Variants in LUC7L2 observed in about 807,000 individuals in gnomAD.
LUC7L2 encodes LUC7 like 2, pre-mRNA splicing factor.
A neutral mutation model predicts 52.8 loss-of-function variants in LUC7L2; 25 were observed. That is an observed-to-expected ratio of 0.47 (90% CI 0.34 to 0.66). The LOEUF (loss-of-function observed/expected upper bound fraction) is 0.66. Ranked by LOEUF, LUC7L2 falls within the 30% of genes least tolerant of loss-of-function variation. LUC7L2 has a pLI of 0.01. For missense variants in LUC7L2, 328 were observed against 497.8 expected, an observed-to-expected ratio of 0.66 and a Z score of 3.25; for synonymous variants, 144 against 160.9, an observed-to-expected ratio of 0.89 and a Z score of 0.80.
chr7:139,417,074 T>C (rs1795654872), intron 8 of LUC7L2: 1 of 153,338 alleles, frequency 6.5e-6, no homozygotes, highest in Admixed American at 6.5e-5. Context: ...TTTCACTCTT[T>C]TGCCCAGGCT....
intron 1 of LUC7L2, among the ~76,000 whole-genome samples, chr7:139,364,609 G>GA (rs1463794423): frequency 1.3e-5 from 2 of 152,142 alleles, no homozygotes; most frequent in Non-Finnish European, 2.9e-5. Context: ...ATATAAAACT[G>GA]AAAGGATACT....
intron 1 of LUC7L2, among the ~76,000 whole-genome samples, chr7:139,354,511 GCCA>G (rs1180447182): frequency 1.3e-5 from 2 of 152,140 alleles, no homozygotes; most frequent in Non-Finnish European, 2.9e-5. Flanking sequence ...ACAGGCACGT[GCCA>G]CCACAACTGG....
intron 9 of LUC7L2, 92 bp from the exon 10 acceptor site, chr7:139,422,069 CTT>C: frequency 6.8e-7 from 1 of 1,471,742 alleles, no homozygotes; most frequent in Non-Finnish European, 9.0e-7. Flanking sequence ...GTCTATATAT[CTT>C]CAGCTATCAA....
chr7:139,387,491 T>TA (rs1296253713), intron 2 of LUC7L2, among the ~76,000 whole-genome samples: 1 of 152,210 alleles, frequency 6.6e-6, no homozygotes, highest in African/African-American at 2.4e-5. Context: ...AAAATTTTTA[T>TA]TTTATTTATT....
upstream of LUC7L2, chr7:139,359,520 A>C: frequency 8.2e-6 from 2 of 243,656 alleles, no homozygotes; most frequent in Non-Finnish European, 1.6e-5. Context: ...TCAGACGCCA[A>C]GGAGGCTGAC....
intron 4 of LUC7L2, among the ~76,000 whole-genome samples, chr7:139,404,792 C>A (rs976494886): frequency 6.6e-6 from 1 of 152,114 alleles, no homozygotes; most frequent in African/African-American, 2.4e-5. Context: ...AGGGTACATA[C>A]GAGGCTTATT....
chr7:139,384,041 CT>C (rs998199502), intron 2 of LUC7L2, among the ~76,000 whole-genome samples: 1 of 152,120 alleles, frequency 6.6e-6, no homozygotes, highest in Non-Finnish European at 1.5e-5. Context: ...TGTGAGCCAC[CT>C]TGCCTGGCCC....
chr7:139,380,598 T>A (rs1022122086), intron 2 of LUC7L2, among the ~76,000 whole-genome samples: 4 of 152,184 alleles, frequency 2.6e-5, no homozygotes, highest in African/African-American at 7.2e-5. Context: ...AGACACCGTT[T>A]AAAAAAATAA....
At chr7:139,356,615 TA>T (rs112295252), upstream of LUC7L2, among the ~76,000 whole-genome samples, 539 of 141,086 alleles carry the variant, frequency 3.8e-3, no homozygotes, top group Admixed American at 4.2e-3. Context: ...AAACCTGCGT[TA>T]AAAAAAAAAA....
chr7:139,362,529 G>T (rs1359511368), intron 1 of LUC7L2, among the ~76,000 whole-genome samples: 2 of 152,048 alleles, frequency 1.3e-5, no homozygotes, highest in Non-Finnish European at 1.5e-5. Context: ...AACGCTGTTG[G>T]GTGTCTTTGG....
At chr7:139,368,580 A>G (rs945346141) in intron 1 of LUC7L2, among the ~76,000 whole-genome samples, 2 of 152,224 alleles carry the variant, frequency 1.3e-5, no homozygotes, top group Non-Finnish European at 2.9e-5. Flanking sequence ...TCTACTAAAA[A>G]TATAAAAATT....
intron 3 of LUC7L2, among the ~76,000 whole-genome samples, chr7:139,400,166 T>C (rs764274234): frequency 3.3e-5 from 5 of 152,166 alleles, no homozygotes; most frequent in Non-Finnish European, 5.9e-5. Flanking sequence ...TTATATCTTC[T>C]GATTTATCAG....
At chr7:139,349,893 G>A (rs1430747928) in intron 1 of LUC7L2, among the ~76,000 whole-genome samples, 1 of 152,142 alleles carries the variant, frequency 6.6e-6, no homozygotes, top group Non-Finnish European at 1.5e-5. Context: ...GAATACACCT[G>A]TGTCATAAAT....
chr7:139,399,386 G>T (rs946028704), intron 3 of LUC7L2, among the ~76,000 whole-genome samples: 51 of 149,612 alleles, frequency 3.4e-4, no homozygotes, highest in Non-Finnish European at 2.2e-4. Context: ...TTTGGTATCC[G>T]CTGGGTCTCC....
chr7:139,422,559 G>A lies in LUC7L2; in HGVS notation c.*219G>A. 1 of 967,078 alleles carries A rather than the reference G, an allele frequency of 1.0e-6. No homozygotes were observed. Among genetic ancestry groups the A allele is most frequent in the East Asian group, 3.1e-5 (1 of 31,874 alleles). 59.9% of individuals were successfully genotyped at this position (967,078 alleles called of 1,614,324 possible). A position where few individuals can be genotyped will look rare whatever the true frequency, so the allele number is the denominator to read the frequency against. ...GTGAACCTGTAATACAGTTCTGAAA[G>A]TACAGTTTTATATAATAAGATGCTG... On this transcript the variant is annotated 3_prime_UTR_variant, in exon 10 of 10. Coordinates refer to ENST00000354926, the MANE Select transcript of LUC7L2 (RefSeq NM_016019.5).
chr7:139,404,986 C>A (rs1226962657), intron 4 of LUC7L2, among the ~76,000 whole-genome samples: 2 of 152,220 alleles, frequency 1.3e-5, no homozygotes, highest in African/African-American at 4.8e-5. Flanking sequence ...AGGCTATTTG[C>A]TGAGCACTAG....
intron 1 of LUC7L2, among the ~76,000 whole-genome samples, chr7:139,371,155 A>C (rs140129392): frequency 9.1e-4 from 138 of 152,204 alleles, no homozygotes; most frequent in Non-Finnish European, 1.7e-3. Flanking sequence ...TAGACATGGG[A>C]GTGTCTCCAT....
At chr7:139,420,962 C>T (rs185103381) in intron 9 of LUC7L2, among the ~76,000 whole-genome samples, 1 of 152,260 alleles carries the variant, frequency 6.6e-6, no homozygotes, top group East Asian at 1.9e-4. Context: ...CCACTCTCAG[C>T]TAATTTTTTG....
At chr7:139,403,597 G>T (rs550934156) in intron 4 of LUC7L2, among the ~76,000 whole-genome samples, 24 of 152,290 alleles carry the variant, frequency 1.6e-4, no homozygotes, top group African/African-American at 4.6e-4. Context: ...GGTTGGAAGA[G>T]ATCTGTAAGT....
Sources: allele counts gnomAD v4.1 joint callset (sites outside exome capture counted in the v4.1 genomes callset), GRCh38; gene constraint gnomAD v4.1.1; transcripts MANE v1.5; gene names NCBI Gene and HGNC (gene_info 2026-07-23, HGNC 2026-07-21).